The following POU6F2 variants were observed in gnomAD, a reference collection of about 807,000 sequenced individuals.
The protein encoded by POU6F2 is POU class 6 homeobox 2.
A neutral mutation model predicts 71.3 loss-of-function variants in POU6F2; 31 were observed. That is an observed-to-expected ratio of 0.43 (90% CI 0.33 to 0.59). The LOEUF (loss-of-function observed/expected upper bound fraction) is 0.59. POU6F2 is among the 20% of genes least tolerant of loss of function. The pLI is 0.04. For missense variants in POU6F2, 783 were observed against 856.8 expected (o/e 0.91, Z 1.07); for synonymous variants, 347 against 355.7 (o/e 0.98, Z 0.27).
rs1051580035 is a variant in POU6F2 at position 39,249,745 on chromosome 7, A to G, written c.598+42125A>G. Among the ~76,000 whole-genome samples, 4 of 152,222 alleles carry G rather than the reference A, an allele frequency of 2.6e-5. No individual in the cohort carries two copies. The South Asian group carries it at 6.2e-4, about 24-fold the overall frequency. On this transcript the variant is annotated intron_variant, in intron 4 of 9. Transcript: ENST00000518318. ...GCTAATATAAGGTGAGCAGACTATT[A>G]TAAGAGCTCTAATACACTCGATTCC...
chr7:39,170,276 G>T (rs1793193924), intron 2 of POU6F2, among the ~76,000 whole-genome samples: 1 of 152,018 alleles, frequency 6.6e-6, no homozygotes, highest in African/African-American at 2.4e-5. Flanking sequence ...GAGTTAGATT[G>T]GTAAAAACAC....
chr7:39,413,969 T>C (rs946113823), intron 6 of POU6F2, among the ~76,000 whole-genome samples: 5 of 152,184 alleles, frequency 3.3e-5, no homozygotes, highest in Non-Finnish European at 7.3e-5. Context: ...GACGGTCCCC[T>C]GGTCCGAGGA....
intron 4 of POU6F2, among the ~76,000 whole-genome samples, chr7:39,265,895 A>G (rs1784229802): frequency 6.6e-6 from 1 of 152,234 alleles, no homozygotes; most frequent in South Asian, 2.1e-4. Context: ...CAAATTAATT[A>G]CAAGTGTCTC....
chr7:38,978,163 G>T (rs1788228419), intron 1 of POU6F2, 105 bp downstream of exon 1: 1 of 152,074 alleles, frequency 6.6e-6, no homozygotes, highest in Non-Finnish European at 1.5e-5. Context: ...TGTATCTTCA[G>T]CTACCTGCCA....
At chr7:39,388,242 C>T (rs1302066782) in intron 5 of POU6F2, among the ~76,000 whole-genome samples, 1 of 152,190 alleles carries the variant, frequency 6.6e-6, no homozygotes, top group Non-Finnish European at 1.5e-5. Context: ...ATCACAGTCC[C>T]CATCAATCAA....
At chr7:39,019,570 T>A (rs1414521298) in intron 1 of POU6F2, among the ~76,000 whole-genome samples, 1 of 152,140 alleles carries the variant, frequency 6.6e-6, no homozygotes, top group African/African-American at 2.4e-5. Context: ...TAGCTACCTC[T>A]TTCTAGAGCT....
At chr7:39,103,942 G>A (rs547004596) in intron 2 of POU6F2, among the ~76,000 whole-genome samples, 4 of 152,320 alleles carry the variant, frequency 2.6e-5, no homozygotes, top group Admixed American at 2.6e-4. Flanking sequence ...TACCTAAAGG[G>A]AAGTAAAGAA....
intron 5 of POU6F2, among the ~76,000 whole-genome samples, chr7:39,341,227 G>A (rs779311163): frequency 1.1e-4 from 17 of 152,172 alleles, no homozygotes; most frequent in Non-Finnish European, 2.5e-4. Context: ...CTTCCAATTT[G>A]GATTCTCAGT....
chr7:39,191,051 G>A (rs1443363800), intron 2 of POU6F2, among the ~76,000 whole-genome samples: 1 of 152,140 alleles, frequency 6.6e-6, no homozygotes, highest in African/African-American at 2.4e-5. Context: ...CAGTTTGTTC[G>A]ACTTCCTATT....
intron 4 of POU6F2, among the ~76,000 whole-genome samples, chr7:39,246,118 T>G (rs4410807): frequency 0.26 from 39,008 of 152,024 alleles, 5,696 homozygotes; most frequent in African/African-American, 0.4. Context: ...GCTACTACCT[T>G]TTAAAATTGT....
At chr7:39,198,690 T>C (rs1366163574) in intron 2 of POU6F2, among the ~76,000 whole-genome samples, 1 of 152,316 alleles carries the variant, frequency 6.6e-6, no homozygotes, top group Non-Finnish European at 1.5e-5. Context: ...CAGATTCTAC[T>C]AAGGGTCTCT....
At chr7:39,140,453 C>T (rs1792472931) in intron 2 of POU6F2, among the ~76,000 whole-genome samples, 2 of 152,294 alleles carry the variant, frequency 1.3e-5, no homozygotes, top group African/African-American at 4.8e-5. Flanking sequence ...AAGTAGAAAT[C>T]AAAGTGTCAG....
At chr7:39,141,287 G>A (rs1303868695) in intron 2 of POU6F2, among the ~76,000 whole-genome samples, 1 of 152,148 alleles carries the variant, frequency 6.6e-6, no homozygotes, top group African/African-American at 2.4e-5. Flanking sequence ...CATAGTCTTA[G>A]GAAAGCATCT....
intron 1 of POU6F2, among the ~76,000 whole-genome samples, chr7:39,003,177 G>A (rs1377442644): frequency 6.6e-6 from 1 of 151,886 alleles, no homozygotes; most frequent in Non-Finnish European, 1.5e-5. Flanking sequence ...TTATGGATGT[G>A]TACAAAAAGC....
intron 1 of POU6F2, chr7:39,002,055 CAT>C (rs1229388452): frequency 6.6e-6 from 1 of 152,138 alleles, no homozygotes; most frequent in Non-Finnish European, 1.5e-5. Flanking sequence ...AACTCCTTGA[CAT>C]GTTATCAAAG....
At chr7:39,160,805 T>G (rs2128736518) in intron 2 of POU6F2, among the ~76,000 whole-genome samples, 1 of 152,332 alleles carries the variant, frequency 6.6e-6, no homozygotes, top group African/African-American at 2.4e-5. Flanking sequence ...TTTAGGACTC[T>G]TAAAGGAGTG....
At chr7:39,360,102 T>G (rs1562802345) in intron 5 of POU6F2, among the ~76,000 whole-genome samples, 1 of 152,226 alleles carries the variant, frequency 6.6e-6, no homozygotes, top group Non-Finnish European at 1.5e-5. Context: ...ACATGCAAGA[T>G]TTGTTTGCAG....
At chr7:39,436,091 G>A (rs1197046526) in intron 7 of POU6F2, among the ~76,000 whole-genome samples, 5 of 152,150 alleles carry the variant, frequency 3.3e-5, no homozygotes, top group African/African-American at 1.2e-4. Context: ...GCTTAGGATT[G>A]TCTTGGCTAT....
At chr7:39,398,813 G>T (rs1787234717) in intron 5 of POU6F2, among the ~76,000 whole-genome samples, 1 of 152,086 alleles carries the variant, frequency 6.6e-6, no homozygotes, top group African/African-American at 2.4e-5. Context: ...AACTTATATG[G>T]GGCTTATTAT....
Sources: allele counts gnomAD v4.1 joint callset (sites outside exome capture counted in the v4.1 genomes callset), GRCh38; gene constraint gnomAD v4.1.1; transcripts MANE v1.5; gene names NCBI Gene and HGNC (gene_info 2026-07-23, HGNC 2026-07-21).